FHIT: variants seen among roughly 807,000 people sequenced by gnomAD.
FHIT encodes bis(5'-adenosyl)-triphosphatase.
Under a neutral mutation model 17.9 loss-of-function variants are expected in FHIT, and 19 were observed. The observed-to-expected ratio is 1.06, with a 90% CI of 0.74 to 1.56. FHIT has a LOEUF of 1.56. FHIT is among the 40% of genes most tolerant of loss of function. FHIT has a pLI of 0.00. For missense variants in FHIT, 248 were observed against 189.2 expected (o/e 1.31, Z -1.82); for synonymous variants, 81 against 69.7 (o/e 1.16, Z -0.81).
At chr3:60,019,789 A>T (rs1251914686) in intron 5 of FHIT, among the ~76,000 whole-genome samples, 1 of 152,200 alleles carries the variant, frequency 6.6e-6, no homozygotes, top group Non-Finnish European at 1.5e-5. Context: ...GAGAAAGGTT[A>T]CTTAACTTGT....
At chr3:61,201,061 T>A (rs1007771746) in intron 1 of FHIT, among the ~76,000 whole-genome samples, 6 of 152,242 alleles carry the variant, frequency 3.9e-5, no homozygotes, top group Admixed American at 3.3e-4. Flanking sequence ...CTATTTCCAT[T>A]TCTCTGAAAA....
At chr3:60,465,181 G>A (rs905019616) in intron 5 of FHIT, among the ~76,000 whole-genome samples, 1 of 152,070 alleles carries the variant, frequency 6.6e-6, no homozygotes, top group Admixed American at 6.6e-5. Context: ...TTTGAGAAAT[G>A]TCTATCCAGA....
At chr3:60,688,513 C>A (rs1189240493) in intron 4 of FHIT, among the ~76,000 whole-genome samples, 14 of 151,754 alleles carry the variant, frequency 9.2e-5, no homozygotes, top group African/African-American at 3.1e-4. Flanking sequence ...CTCACTGCAC[C>A]CTTCACCTCC....
chr3:60,922,668 C>T (rs1301318722), intron 3 of FHIT, among the ~76,000 whole-genome samples: 1 of 152,174 alleles, frequency 6.6e-6, no homozygotes, highest in East Asian at 1.9e-4. Context: ...ATGTTATCAA[C>T]ATGTTAAGCT....
At chr3:60,214,422 T>A (rs1703602644) in intron 5 of FHIT, among the ~76,000 whole-genome samples, 1 of 152,162 alleles carries the variant, frequency 6.6e-6, no homozygotes, top group South Asian at 2.1e-4. Context: ...ATGCTTGAGT[T>A]CTTAGACTAC....
At chr3:60,065,398 A>G (rs1164458035) in intron 5 of FHIT, among the ~76,000 whole-genome samples, 1 of 152,082 alleles carries the variant, frequency 6.6e-6, no homozygotes, top group Admixed American at 6.6e-5. Context: ...ATGGCATAAT[A>G]GTGCCTGCTT....
intron 8 of FHIT, among the ~76,000 whole-genome samples, chr3:59,805,574 T>C (rs1700164260): frequency 6.6e-6 from 1 of 152,202 alleles, no homozygotes; most frequent in South Asian, 2.1e-4. Flanking sequence ...TTATTGCCAT[T>C]AGACTACATC....
intron 5 of FHIT, among the ~76,000 whole-genome samples, chr3:60,211,752 A>T (rs556578672): frequency 6.6e-6 from 1 of 152,242 alleles, no homozygotes; most frequent in East Asian, 1.9e-4. Flanking sequence ...GTTGAAATGA[A>T]ATAAGGATGT....
chr3:60,230,524 G>C (rs1704443180), intron 5 of FHIT, among the ~76,000 whole-genome samples: 1 of 152,074 alleles, frequency 6.6e-6, no homozygotes, highest in African/African-American at 2.4e-5. Flanking sequence ...ATCGCAGATA[G>C]CATAGGCAAA....
chr3:59,803,537 A>G (rs1043180474), intron 8 of FHIT, among the ~76,000 whole-genome samples: 2 of 152,220 alleles, frequency 1.3e-5, no homozygotes, highest in African/African-American at 4.8e-5. Context: ...CCTCACTTTG[A>G]GAAAACACTT....
At chr3:60,351,877 C>T (rs6789642) in intron 5 of FHIT, among the ~76,000 whole-genome samples, 21,535 of 152,192 alleles carry the variant, frequency 0.14, 1,610 homozygotes, top group Non-Finnish European at 0.16. Flanking sequence ...ACCTGGCTAA[C>T]CCCTGTGCCC....
intron 5 of FHIT, among the ~76,000 whole-genome samples, chr3:60,156,570 GA>G (rs1189572369): frequency 1.3e-5 from 2 of 151,656 alleles, no homozygotes; most frequent in African/African-American, 4.8e-5. Flanking sequence ...GCAACATAGT[GA>G]GATCTTGTCT....
intron 4 of FHIT, among the ~76,000 whole-genome samples, chr3:60,816,852 C>T (rs1205213418): frequency 6.6e-6 from 1 of 151,942 alleles, no homozygotes; most frequent in African/African-American, 2.4e-5. Context: ...GACACTGCTA[C>T]ATTTTAATTA....
At chr3:60,955,607 T>TATATATATATACATATATATATATATAC (rs1263115699) in intron 3 of FHIT, among the ~76,000 whole-genome samples, 3 of 11,548 alleles carry the variant, frequency 2.6e-4, no homozygotes, top group Non-Finnish European at 2.1e-4. Flanking sequence ...CATATATATA[T>TATATATATATACATATATATATATATAC]ATATATATAT....
intron 8 of FHIT, among the ~76,000 whole-genome samples, chr3:59,845,360 T>C (rs77238336): frequency 6.6e-6 from 1 of 152,050 alleles, no homozygotes; most frequent in Admixed American, 6.6e-5. Flanking sequence ...TTTTTCTAGT[T>C]TCTAAGTTGT....
chr3:60,027,835 A>G (rs6784354), intron 5 of FHIT, among the ~76,000 whole-genome samples: 8,381 of 152,226 alleles, frequency 0.055, 800 homozygotes, highest in African/African-American at 0.19. Flanking sequence ...CCTATAGAGC[A>G]GTGCTGTCTA....
chr3:60,814,871 G>GT (rs773354580), intron 4 of FHIT, among the ~76,000 whole-genome samples: 45 of 147,980 alleles, frequency 3.0e-4, no homozygotes, highest in African/African-American at 5.5e-4. Flanking sequence ...CCAACATGTG[G>GT]TTTTTTTTTG....
At chr3:60,480,209 A>C (rs936564351) in intron 5 of FHIT, among the ~76,000 whole-genome samples, 1 of 152,088 alleles carries the variant, frequency 6.6e-6, no homozygotes, top group African/African-American at 2.4e-5. Flanking sequence ...AAATAACCAC[A>C]TCTCATGAGA....
At chr3:60,086,247 A>G (rs1019976458) in intron 5 of FHIT, among the ~76,000 whole-genome samples, 10 of 152,270 alleles carry the variant, frequency 6.6e-5, no homozygotes, top group Non-Finnish European at 1.5e-4. Flanking sequence ...GCATCGATCT[A>G]TTCATGAAGG....
Sources: gnomAD v4.1 joint callset for allele counts (sites outside exome capture counted in the v4.1 genomes callset) on GRCh38, gnomAD v4.1.1 for gene constraint, MANE v1.5 for transcripts, NCBI Gene and HGNC (gene_info 2026-07-23, HGNC 2026-07-21) for gene names.